The following IL1RAPL1 variants were observed in gnomAD, a reference collection of about 807,000 sequenced individuals.
The protein encoded by IL1RAPL1 is interleukin 1 receptor accessory protein like 1, also known as interleukin-1 receptor accessory protein-like 1.
A neutral mutation model predicts 48.4 loss-of-function variants in IL1RAPL1; 3 were observed. The ratio of observed to expected loss-of-function variants is 0.06; its 90% CI spans 0.03 to 0.16. The LOEUF (loss-of-function observed/expected upper bound fraction) is 0.16, where lower values mean the gene tolerates loss of function less well. Ranked by LOEUF, IL1RAPL1 falls within the 10% of genes least tolerant of loss-of-function variation. IL1RAPL1 has a pLI of 1.00. For missense variants in IL1RAPL1, 349 were observed against 530.6 expected, an observed-to-expected ratio of 0.66 and a Z score of 3.36; for synonymous variants, 185 against 187.7, an observed-to-expected ratio of 0.99 and a Z score of 0.12.
At chrX:29,591,880 A>T (rs912647012) in intron 5 of IL1RAPL1, among the ~76,000 whole-genome samples, 2 of 112,234 alleles carry the variant, frequency 1.8e-5, no homozygotes, top group Non-Finnish European at 3.8e-5. Flanking sequence ...CCAGGATCAC[A>T]TGGCCAGAAA....
intron 5 of IL1RAPL1, among the ~76,000 whole-genome samples, chrX:29,577,125 A>C (rs1295513718): frequency 8.9e-6 from 1 of 111,918 alleles, no homozygotes; most frequent in Non-Finnish European, 1.9e-5. Flanking sequence ...ATGAGATTCA[A>C]TACTATTTTC....
intron 2 of IL1RAPL1, among the ~76,000 whole-genome samples, chrX:29,140,804 C>A (rs1366110543): frequency 9.0e-6 from 1 of 111,002 alleles, no homozygotes; most frequent in Non-Finnish European, 1.9e-5. Context: ...GGAAGGGCTT[C>A]ATCAGCCTCT....
At chrX:28,657,314 G>A (rs1395862112) in intron 1 of IL1RAPL1, among the ~76,000 whole-genome samples, 1 of 111,666 alleles carries the variant, frequency 9.0e-6, no homozygotes, top group East Asian at 2.8e-4. Context: ...TAGAGATATT[G>A]AAATTTCACT....
intron 2 of IL1RAPL1, among the ~76,000 whole-genome samples, chrX:29,201,569 T>C (rs1211903552): frequency 8.9e-6 from 1 of 112,374 alleles, no homozygotes; most frequent in Non-Finnish European, 1.9e-5. Flanking sequence ...AAATAAATAA[T>C]GCATATGCAA....
chrX:29,145,569 C>T (rs1929334566), intron 2 of IL1RAPL1, among the ~76,000 whole-genome samples: 1 of 111,424 alleles, frequency 9.0e-6, no homozygotes, highest in Non-Finnish European at 1.9e-5. Context: ...GCTTTAAATA[C>T]CATTTGTCTT....
At chrX:29,460,235 C>A (rs1230714588) in intron 5 of IL1RAPL1, among the ~76,000 whole-genome samples, 1 of 112,223 alleles carries the variant, frequency 8.9e-6, no homozygotes, top group African/African-American at 3.2e-5. Context: ...GCCGCCTTAA[C>A]TATCTTGTAA....
chrX:28,660,086 G>GGTGTGTGTGTGTGTGTGTGTGT (rs60600833), intron 1 of IL1RAPL1, among the ~76,000 whole-genome samples: 5 of 76,446 alleles, frequency 6.5e-5, no homozygotes, highest in East Asian at 5.1e-4. Flanking sequence ...GAGTGAGGAT[G>GGTGTGTGTGTGTGTGTGTGTGT]GTGTGTGTGT....
intron 3 of IL1RAPL1, among the ~76,000 whole-genome samples, chrX:29,364,578 A>G (rs1008018895): frequency 1.2e-4 from 13 of 108,891 alleles, no homozygotes; most frequent in South Asian, 3.9e-4. Flanking sequence ...AAAAAAAAAA[A>G]AAAAAGAAAA....
chrX:29,153,035 T>G (rs1259684935), intron 2 of IL1RAPL1, among the ~76,000 whole-genome samples: 2 of 112,070 alleles, frequency 1.8e-5, no homozygotes, highest in African/African-American at 3.2e-5. Context: ...TCATCATGGC[T>G]GCATTCTTTT....
chrX:29,509,662 T>C (rs921009768), intron 5 of IL1RAPL1, among the ~76,000 whole-genome samples: 3 of 108,537 alleles, frequency 2.8e-5, no homozygotes, highest in Admixed American at 9.5e-5. Flanking sequence ...TGCACACACA[T>C]GCACACACAC....
intron 2 of IL1RAPL1, among the ~76,000 whole-genome samples, chrX:29,081,384 G>A (rs1454480081): frequency 2.7e-5 from 3 of 109,548 alleles, no homozygotes; most frequent in Non-Finnish European, 5.7e-5. Flanking sequence ...TGTATGTTTT[G>A]TAGAGATGGG....
intron 2 of IL1RAPL1, among the ~76,000 whole-genome samples, chrX:29,213,776 A>G (rs1297748538): frequency 8.9e-5 from 10 of 112,082 alleles, no homozygotes; most frequent in East Asian, 2.8e-4. Flanking sequence ...ATTCTTCTCA[A>G]TGAGGCCAAT....
chrX:28,721,963 T>G (rs1421546199), intron 1 of IL1RAPL1, among the ~76,000 whole-genome samples: 1 of 111,835 alleles, frequency 8.9e-6, no homozygotes, highest in Non-Finnish European at 1.9e-5. Context: ...TATCTCTGTT[T>G]TGGTACCAGT....
At chrX:29,245,644 TTG>T (rs1216119820) in intron 2 of IL1RAPL1, among the ~76,000 whole-genome samples, 1 of 112,239 alleles carries the variant, frequency 8.9e-6, no homozygotes, top group African/African-American at 3.2e-5. Flanking sequence ...TCTTGTAAAT[TTG>T]TTTAAGTTCT....
chrX:29,702,139 C>A (rs1159238417), intron 6 of IL1RAPL1, among the ~76,000 whole-genome samples: 1 of 110,146 alleles, frequency 9.1e-6, no homozygotes, highest in East Asian at 2.9e-4. Flanking sequence ...CCTGTAATCC[C>A]AGCTACTCTG....
intron 1 of IL1RAPL1, among the ~76,000 whole-genome samples, chrX:28,776,742 C>T (rs1465345955): frequency 2.7e-5 from 3 of 111,587 alleles, no homozygotes; most frequent in African/African-American, 9.8e-5. Flanking sequence ...ATAGCATCTA[C>T]CTGATTAATA....
intron 6 of IL1RAPL1, among the ~76,000 whole-genome samples, chrX:29,835,449 G>GA (rs1295644403): frequency 2.7e-5 from 3 of 111,982 alleles, no homozygotes; most frequent in African/African-American, 6.5e-5. Context: ...TATGTTTCTT[G>GA]AAGATAATTG....
intron 6 of IL1RAPL1, among the ~76,000 whole-genome samples, chrX:29,678,342 C>A (rs1287003048): frequency 7.2e-5 from 3 of 41,707 alleles, no homozygotes; most frequent in African/African-American, 3.9e-4. Context: ...TTCAACACTA[C>A]TTTTTTTTTT....
chrX:29,695,900 A>G (rs1926900764), intron 6 of IL1RAPL1, among the ~76,000 whole-genome samples: 1 of 111,573 alleles, frequency 9.0e-6, no homozygotes, highest in African/African-American at 3.3e-5. Context: ...AATCATGACC[A>G]CACTTTACAT....
Sources: gnomAD v4.1 joint callset for allele counts (sites outside exome capture counted in the v4.1 genomes callset) on GRCh38, gnomAD v4.1.1 for gene constraint, MANE v1.5 for transcripts, NCBI Gene and HGNC (gene_info 2026-07-23, HGNC 2026-07-21) for gene names.